Variants in DIMT1 observed in about 807,000 individuals in gnomAD.
DIMT1 encodes the protein DIM1 rRNA methyltransferase and ribosome maturation factor.
DIMT1 carries 36 observed loss-of-function variants against 43.2 expected under a neutral mutation model. The ratio of observed to expected loss-of-function variants is 0.83; its 90% CI spans 0.64 to 1.10. DIMT1 has a LOEUF of 1.10. Among genes scored for constraint, DIMT1 ranks in the 50% least tolerant of loss-of-function variants. The pLI is 0.00. For synonymous variants in DIMT1, 126 were observed against 130.3 expected (o/e 0.97, Z 0.22); for missense variants, 341 against 385.3 (o/e 0.88, Z 0.96).
At position 62,398,822 on chromosome 5, in the gene DIMT1, G is replaced by A. The variant is rs746727093; in HGVS notation, c.300C>T (p.Gly100=). The change falls in exon 4 of 12, where the codon GGC becomes GGT. Residue 100 remains glycine (G), a splice_region_variant and synonymous_variant. Coordinates refer to ENST00000199320, the MANE Select transcript of DIMT1 (RefSeq NM_014473.4). ...LVAELHKRVQ[G]TPVASKLQVL... is the part of the protein sequence containing the mutation. The stretch of plus-strand genomic sequence containing the variant: ...TTAATTCTATTATGTATACTCACGT[G>A]CCCTGAACTCTTTTGTGAAGTTCAG... The A allele has an allele frequency of 1.3e-5, 21 of 1,613,724 alleles. No homozygotes were observed. Among genetic ancestry groups the A allele is most frequent in the Non-Finnish European group, 1.8e-5 (21 of 1,179,826 alleles).
intron 2 of DIMT1, 110 bp from the exon 3 acceptor site, chr5:62,402,232 G>A: frequency 9.7e-7 from 1 of 1,033,186 alleles, no homozygotes; most frequent in East Asian, 2.6e-5. Context: ...CTCTTAATCT[G>A]ACTCCATTTT....
At chr5:62,391,717 TCTG>T in intron 10 of DIMT1, 1 of 1,303,094 alleles carries the variant, frequency 7.7e-7, no homozygotes, top group Non-Finnish European at 9.7e-7. Context: ...CAACCAGAAA[TCTG>T]CTATTGAGCC....
At chr5:62,393,754 T>C (rs955343718) in intron 8 of DIMT1, among the ~76,000 whole-genome samples, 1 of 152,176 alleles carries the variant, frequency 6.6e-6, no homozygotes, top group Non-Finnish European at 1.5e-5. Flanking sequence ...TTTTCTTTTT[T>C]TTTTTTGAGA....
At chr5:62,396,946 GGATCTTGTTTTCTTTTTT>G (rs1939748449) in intron 6 of DIMT1, among the ~76,000 whole-genome samples, 1 of 152,068 alleles carries the variant, frequency 6.6e-6, no homozygotes, top group African/African-American at 2.4e-5. Context: ...AAATGTTTCA[GGATCTTGTTTTCTTTTTT>G]GACAATCTCG....
At chr5:62,391,646 T>TAAA in intron 10 of DIMT1, 5 of 1,075,510 alleles carry the variant, frequency 4.6e-6, no homozygotes, top group Non-Finnish European at 4.5e-6. Context: ...AACTGGAAGC[T>TAAA]AAAAAGATAG....
intron 3 of DIMT1, among the ~76,000 whole-genome samples, chr5:62,400,110 T>C (rs1742648060): frequency 6.6e-6 from 1 of 152,172 alleles, no homozygotes; most frequent in Non-Finnish European, 1.5e-5. Flanking sequence ...CTCTTACTGT[T>C]AGTATGTCAC....
rs1235819251 is a variant in DIMT1, at chr5:62,392,232, G to C, written c.731C>G (p.Ser244Ter). The C allele has an allele frequency of 6.2e-7, 1 of 1,612,868 alleles. No homozygotes were observed. The highest frequency in any genetic ancestry group is 1.1e-5 in the South Asian group (1 of 90,818). ...TTCCAAGAGTTGTTGCACTGCACTT[G>C]ATCTATAGCATAAAGAAGTGATGCC... ...KNKTLSAAFKSSAVQQLLEKN... is the reference protein window; with the variant it reads ...KNKTLSAAFK The change falls in exon 10 of 12, where the codon TCA becomes TGA. Residue 244 changes from serine to a stop codon, truncating the protein, a stop_gained and splice_region_variant. Transcript: ENST00000199320. LOFTEE classifies it high-confidence loss of function.
At chr5:62,389,147 A>T (rs1437082021) in intron 11 of DIMT1, 95 bp from the exon 12 acceptor site, 3 of 1,103,894 alleles carry the variant, frequency 2.7e-6, no homozygotes, top group Non-Finnish European at 2.6e-6. Flanking sequence ...AAACATGAAT[A>T]CAGCATGCTT....
At chr5:62,392,317 T>C in intron 9 of DIMT1, 83 bp from the exon 10 acceptor site, 1 of 1,040,220 alleles carries the variant, frequency 9.6e-7, no homozygotes, top group Non-Finnish European at 1.5e-6. Flanking sequence ...TTTTAACTAA[T>C]ACATAAGCCA....
At chr5:62,391,017 T>G (rs1292130495) in intron 10 of DIMT1, 35 bp from the exon 11 acceptor site, 4 of 1,561,796 alleles carry the variant, frequency 2.6e-6, no homozygotes, top group African/African-American at 1.4e-5. Context: ...ATGAACGACA[T>G]ATCTTTAATG....
intron 2 of DIMT1, 41 bp from the exon 3 acceptor site, chr5:62,402,163 C>T (rs751289485): frequency 1.9e-6 from 3 of 1,593,948 alleles, no homozygotes; most frequent in Non-Finnish European, 2.6e-6. Context: ...CTGGCAACAT[C>T]AGAACACAGA....
intron 8 of DIMT1, 102 bp downstream of exon 8, chr5:62,393,853 G>T: frequency 3.1e-6 from 3 of 978,330 alleles, no homozygotes; most frequent in Admixed American, 3.3e-5. Flanking sequence ...TCCTATGTTT[G>T]AATATTTAGG....
Position 62,388,967 on chromosome 5 carries a change from T to G in DIMT1, c.*43A>C. On this transcript the variant is annotated 3_prime_UTR_variant, in exon 12 of 12. Transcript: ENST00000199320. ...TTCTCAAATACAAAAAATACAAAAT[T>G]CATTTCTTTTCTTGACCTTGAAAAT... The G allele has an allele frequency of 3.2e-6, 5 of 1,555,900 alleles. No homozygotes were observed. Among genetic ancestry groups the G allele is most frequent in the African/African-American group, 1.4e-5 (1 of 73,018 alleles).
intron 3 of DIMT1, among the ~76,000 whole-genome samples, chr5:62,399,618 T>G (rs1376492020): frequency 6.9e-6 from 1 of 145,292 alleles, no homozygotes; most frequent in African/African-American, 2.6e-5. Context: ...CATTCCAGCC[T>G]GGGTGACAAA....
chr5:62,396,139 G>GGTTTTTTTTTTTTTTTTTTTT (rs1554044632), intron 6 of DIMT1, among the ~76,000 whole-genome samples: 1 of 116,746 alleles, frequency 8.6e-6, no homozygotes, highest in African/African-American at 3.6e-5. Flanking sequence ...GTCACTGCAG[G>GGTTTTTTTTTTTTTTTTTTTT]TTTTTTTTTT....
chr5:62,398,590 G>A (rs759874806), intron 5 of DIMT1, 30 bp from the exon 6 acceptor site: 1 of 1,612,874 alleles, frequency 6.2e-7, no homozygotes, highest in Non-Finnish European at 8.5e-7. Context: ...TTATTTCCGG[G>A]AAAGACACAT....
intron 6 of DIMT1, among the ~76,000 whole-genome samples, chr5:62,397,588 CCCTTCTT>C (rs1742541976): frequency 6.6e-6 from 1 of 152,152 alleles, no homozygotes; most frequent in Non-Finnish European, 1.5e-5. Context: ...ATTGTCTCAG[CCCTTCTT>C]AAAATGAGTT....
intron 8 of DIMT1, 90 bp downstream of exon 8, chr5:62,393,865 T>C: frequency 9.0e-7 from 1 of 1,106,792 alleles, no homozygotes; most frequent in South Asian, 1.5e-5. Context: ...ATATTTAGGT[T>C]GATTCAATAT....
chr5:62,397,160 G>A (rs904190545), intron 6 of DIMT1, among the ~76,000 whole-genome samples: 4 of 152,018 alleles, frequency 2.6e-5, no homozygotes, highest in African/African-American at 9.7e-5. Context: ...ATGTTAGCCA[G>A]GCTGGTCTCC....
Sources: allele counts gnomAD v4.1 joint callset (sites outside exome capture counted in the v4.1 genomes callset), GRCh38; gene constraint gnomAD v4.1.1; transcripts MANE v1.5; gene names NCBI Gene and HGNC (gene_info 2026-07-23, HGNC 2026-07-21).